The following ABCB1 variants were observed in gnomAD, a reference collection of about 807,000 sequenced individuals.
The protein encoded by ABCB1 is ATP binding cassette subfamily B member 1, also known as ATP-dependent translocase ABCB1.
In ABCB1, 69 loss-of-function variants were observed where a neutral mutation model predicts 142.0. The observed-to-expected ratio is 0.49, with a 90% CI of 0.40 to 0.59. ABCB1 has a LOEUF of 0.59. Among genes scored for constraint, ABCB1 ranks in the 20% least tolerant of loss-of-function variants. ABCB1 has a pLI of 0.00. For synonymous variants in ABCB1, 532 were observed against 539.2 expected (o/e 0.99, Z 0.18); for missense variants, 1,326 against 1,554.7 (o/e 0.85, Z 2.47).
At position 87,548,899 on chromosome 7, in the gene ABCB1, C is replaced by T. The variant is rs114425408; in HGVS notation, c.1725+449G>A. ...CCTGGAAATAAGAGGTTTCTTATTT[C>T]GCATAGAGTCTTCAAGTGGCATTCA... On this transcript the variant is annotated intron_variant, in intron 14 of 27. Coordinates refer to ENST00000622132, the MANE Select transcript of ABCB1 (RefSeq NM_001348946.2). Among the ~76,000 whole-genome samples the T allele has an allele frequency of 2.4e-3, 358 of 152,152 alleles. 1 individual carries two copies. Among genetic ancestry groups the T allele is most frequent in the African/African-American group, 7.0e-3 (292 of 41,500 alleles).
At chr7:87,550,121 C>T in intron 12 of ABCB1, 50 bp downstream of exon 12, 1 of 1,614,062 alleles carries the variant, frequency 6.2e-7, no homozygotes, top group South Asian at 1.1e-5. Flanking sequence ...GAAAGATGTG[C>T]AATGTGACTG....
At chr7:87,601,533 A>T (rs79263190), upstream of ABCB1, among the ~76,000 whole-genome samples, 2 of 152,370 alleles carry the variant, frequency 1.3e-5, no homozygotes, top group Admixed American at 6.5e-5. Context: ...AAATTCTTAC[A>T]TTTTAATTCA....
At chr7:87,587,893 A>T (rs1818829613) in intron 3 of ABCB1, among the ~76,000 whole-genome samples, 1 of 149,912 alleles carries the variant, frequency 6.7e-6, no homozygotes, top group Admixed American at 6.6e-5. Flanking sequence ...AAAAAAAAAA[A>T]AGGCATTTAA....
intron 8 of ABCB1, among the ~76,000 whole-genome samples, chr7:87,558,674 A>C (rs1450320425): frequency 6.6e-6 from 1 of 151,914 alleles, no homozygotes; most frequent in Non-Finnish European, 1.5e-5. Flanking sequence ...TATTTATTTC[A>C]TTCATTATTT....
In ABCB1 at chr7:87,504,179, C is replaced by G. The variant is rs1584823651; in HGVS notation, c.*64G>C. On this transcript the variant is annotated 3_prime_UTR_variant, in exon 28 of 28. Coordinates refer to ENST00000622132, the MANE Select transcript of ABCB1 (RefSeq NM_001348946.2). ...TAATTCTGTAAGTGTTTGCTTTTAA[C>G]TTTGAATAAATGTCATATCTAAACA... is the stretch of plus-strand genomic sequence containing the variant. 1.9e-6 allele frequency: 3 copies of G among 1,599,218 alleles called. No individual in the cohort carries two copies. In the Admixed American group the frequency reaches 5.1e-5, roughly 27 times the overall value.
At chr7:87,525,964 G>C (rs1367078972) in intron 21 of ABCB1, among the ~76,000 whole-genome samples, 1 of 152,192 alleles carries the variant, frequency 6.6e-6, no homozygotes, top group East Asian at 1.9e-4. Flanking sequence ...AAGCAGTCCT[G>C]AATAACCGAA....
intron 3 of ABCB1, among the ~76,000 whole-genome samples, chr7:87,594,872 C>T (rs918265036): frequency 3.9e-5 from 6 of 152,112 alleles, no homozygotes; most frequent in African/African-American, 1.2e-4. Flanking sequence ...GACAATCTAT[C>T]CACTCCCTTA....
At chr7:87,697,863 A>G (rs1369838703) in intron 1 of ABCB1, among the ~76,000 whole-genome samples, 1 of 152,174 alleles carries the variant, frequency 6.6e-6, no homozygotes, top group Non-Finnish European at 1.5e-5. Context: ...GATCTAGTTC[A>G]GGTCCACCGG....
intron 17 of ABCB1, among the ~76,000 whole-genome samples, chr7:87,543,661 T>C (rs1427317846): frequency 1.3e-5 from 2 of 152,222 alleles, no homozygotes; most frequent in Non-Finnish European, 2.9e-5. Flanking sequence ...CTATTTGTTT[T>C]AATCTTAGCA....
chr7:87,624,883 A>C (rs985854564), intron 1 of ABCB1, among the ~76,000 whole-genome samples: 2 of 152,236 alleles, frequency 1.3e-5, no homozygotes, highest in African/African-American at 2.4e-5. Flanking sequence ...CAAAAAAGAA[A>C]AACACAGCTT....
At chr7:87,599,849 G>A (rs1819373254) in intron 2 of ABCB1, among the ~76,000 whole-genome samples, 1 of 152,042 alleles carries the variant, frequency 6.6e-6, no homozygotes, top group African/African-American at 2.4e-5. Flanking sequence ...TGTAAAAAAC[G>A]CTTCCATGTA....
chr7:87,536,991 G>T lies in ABCB1; in HGVS notation c.2398-450C>A, dbSNP rs552909709. 7 of 205,482 alleles carry T rather than the reference G, an allele frequency of 3.4e-5. No individual in the cohort carries two copies. The East Asian group carries it at 8.6e-4, about 25-fold the overall frequency. 12.7% of individuals were successfully genotyped at this position (205,482 alleles called of 1,614,324 possible). A position where few individuals can be genotyped will look rare whatever the true frequency, so the allele number is the denominator to read the frequency against. On this transcript the variant is annotated intron_variant, in intron 19 of 27. Coordinates refer to ENST00000622132, the MANE Select transcript of ABCB1 (RefSeq NM_001348946.2). ...TGAAGGAAAGGATGAGAATACCTCA[G>T]GGAAAGCAGAAACAGCATGTGCAAA...
At chr7:87,543,302 C>A (rs1463343760) in intron 17 of ABCB1, among the ~76,000 whole-genome samples, 1 of 152,028 alleles carries the variant, frequency 6.6e-6, no homozygotes, top group South Asian at 2.1e-4. Flanking sequence ...AAAATAATAA[C>A]AATTCTTGAA....
chr7:87,566,685 G>C, intron 6 of ABCB1, 100 bp downstream of exon 6: 20 of 1,210,566 alleles, frequency 1.7e-5, no homozygotes, highest in Non-Finnish European at 2.4e-5. Context: ...AAGTACCTTT[G>C]AATGATACAT....
At chr7:87,713,225 A>C (rs1172714649) in exon 1 of ABCB1, 1 of 152,202 alleles carries the variant, frequency 6.6e-6, no homozygotes, top group Non-Finnish European at 1.5e-5. Context: ...TCTAATCTTT[A>C]GGAATCTGGA....
At chr7:87,690,220 A>T (rs1827882549) in intron 1 of ABCB1, among the ~76,000 whole-genome samples, 1 of 152,122 alleles carries the variant, frequency 6.6e-6, no homozygotes, top group South Asian at 2.1e-4. Context: ...CTTATTATCC[A>T]TAAATTCAAA....
intron 19 of ABCB1, 31 bp downstream of exon 19, chr7:87,539,237 C>T (rs575743182): frequency 2.6e-5 from 41 of 1,604,542 alleles, no homozygotes; most frequent in Non-Finnish European, 3.3e-5. Context: ...GAGTTCTACA[C>T]ATCCCAGGGC....
chr7:87,586,067 T>G (rs1363439806), intron 3 of ABCB1, among the ~76,000 whole-genome samples: 1 of 152,212 alleles, frequency 6.6e-6, no homozygotes. Flanking sequence ...AAGGCCCCTC[T>G]GAGGATACCA....
intron 3 of ABCB1, among the ~76,000 whole-genome samples, chr7:87,589,458 A>C (rs1818894593): frequency 6.6e-6 from 1 of 152,190 alleles, no homozygotes; most frequent in Non-Finnish European, 1.5e-5. Context: ...AATGTAAAAT[A>C]GAAGTATAAA....
Sources: allele counts gnomAD v4.1 joint callset (sites outside exome capture counted in the v4.1 genomes callset), GRCh38; gene constraint gnomAD v4.1.1; transcripts MANE v1.5; gene names NCBI Gene and HGNC (gene_info 2026-07-23, HGNC 2026-07-21).